Variants in DGKH observed in about 807,000 individuals in gnomAD.
DGKH encodes DAG kinase eta.
In DGKH, 90 loss-of-function variants were observed where a neutral mutation model predicts 159.3. That is an observed-to-expected ratio of 0.57 (90% confidence interval 0.48 to 0.67). DGKH has a LOEUF of 0.67. Among genes scored for constraint, DGKH ranks in the 30% least tolerant of loss-of-function variants. The probability of loss-of-function intolerance (pLI) is 0.00; values close to 1 mark genes in which losing one functional copy is unlikely to be tolerated. For missense variants in DGKH, 1,181 were observed against 1,506.1 expected (o/e 0.78, Z 3.57); for synonymous variants, 536 against 553.8 (o/e 0.97, Z 0.45).
intron 1 of DGKH, among the ~76,000 whole-genome samples, chr13:42,123,764 C>T (rs960365072): frequency 2.0e-5 from 3 of 152,144 alleles, no homozygotes; most frequent in Admixed American, 6.5e-5. Context: ...TTTAGGGAAA[C>T]GCACATTAAA....
intron 1 of DGKH, among the ~76,000 whole-genome samples, chr13:42,053,029 G>A (rs147264829): frequency 3.3e-5 from 5 of 152,130 alleles, no homozygotes; most frequent in African/African-American, 1.2e-4. Flanking sequence ...AAGATATTCA[G>A]AATTTTGCAT....
chr13:42,183,586 A>G (rs1031008527), intron 13 of DGKH, among the ~76,000 whole-genome samples: 4 of 152,238 alleles, frequency 2.6e-5, no homozygotes, highest in African/African-American at 4.8e-5. Flanking sequence ...AATAATTCCC[A>G]GTAGCCTTAA....
chr13:42,150,774 T>C (rs1447204474), intron 3 of DGKH, among the ~76,000 whole-genome samples: 1 of 152,200 alleles, frequency 6.6e-6, no homozygotes, highest in Non-Finnish European at 1.5e-5. Flanking sequence ...ATGGGTGTGG[T>C]AGGCTGAATA....
chr13:42,207,695 G>GTGTATA (rs1462726428), intron 21 of DGKH, among the ~76,000 whole-genome samples: 17 of 140,278 alleles, frequency 1.2e-4, no homozygotes, highest in Non-Finnish European at 2.3e-4. Flanking sequence ...ATTAAAGTGT[G>GTGTATA]TATATATATA....
Position 42,180,195 on chromosome 13 carries a change from A to C in DGKH, c.1538+1975A>C, listed in dbSNP as rs1956715240. ...TTCACAGGGCAAGGGCCAGCCCATC[A>C]CTTAGGTGTATGAACTGGGCCTGGG... is the stretch of plus-strand genomic sequence containing the variant. On this transcript the variant is annotated intron_variant, in intron 13 of 29. Transcript: ENST00000337343. Among the ~76,000 whole-genome samples, 3 of 152,248 alleles carry C rather than the reference A, an allele frequency of 2.0e-5. No homozygotes were observed. In the South Asian group the frequency reaches 6.2e-4, roughly 32 times the overall value.
chr13:42,164,849 TG>T (rs1410699479), intron 7 of DGKH, among the ~76,000 whole-genome samples: 1 of 152,204 alleles, frequency 6.6e-6, no homozygotes, highest in Non-Finnish European at 1.5e-5. Context: ...TAGAAAGTTA[TG>T]GGATTACTGC....
At chr13:42,154,427 C>A (rs1955989675) in intron 3 of DGKH, among the ~76,000 whole-genome samples, 1 of 152,172 alleles carries the variant, frequency 6.6e-6, no homozygotes, top group South Asian at 2.1e-4. Flanking sequence ...TCTTTCAAGT[C>A]ATTTCAGAAC....
At chr13:42,224,008 GTCT>G (rs1958055025) in intron 29 of DGKH, among the ~76,000 whole-genome samples, 1 of 152,050 alleles carries the variant, frequency 6.6e-6, no homozygotes, top group African/African-American at 2.4e-5. Flanking sequence ...GTCTTCCCGT[GTCT>G]TCTTGTTTCA....
chr13:42,121,296 TG>T (rs1955067400), intron 1 of DGKH, among the ~76,000 whole-genome samples: 1 of 152,242 alleles, frequency 6.6e-6, no homozygotes, highest in African/African-American at 2.4e-5. Context: ...AAATAGGCTT[TG>T]TATTAGATGA....
intron 1 of DGKH, among the ~76,000 whole-genome samples, chr13:42,058,322 C>T (rs1881905047): frequency 6.6e-6 from 1 of 152,134 alleles, no homozygotes; most frequent in African/African-American, 2.4e-5. Flanking sequence ...ATTCTAGGAC[C>T]TACTGTACAT....
intron 1 of DGKH, among the ~76,000 whole-genome samples, chr13:42,120,530 C>G (rs867805886): frequency 3.9e-5 from 6 of 152,062 alleles, no homozygotes; most frequent in Admixed American, 2.0e-4. Context: ...AGTTATTGCT[C>G]TCTAACCTCA....
At position 42,056,329 on chromosome 13, in the gene DGKH, G is replaced by T. The variant is rs560185192; in HGVS notation, c.192+7364G>T. On this transcript the variant is annotated intron_variant, in intron 1 of 29. Coordinates refer to ENST00000337343, the MANE Select transcript of DGKH (RefSeq NM_178009.5). ...GCTTCTGTTTTATATGAGGAAGTAC[G>T]GTTAACTTTGTCATGTGTAGGGCTG... Among the ~76,000 whole-genome samples the T allele has an allele frequency of 5.3e-5, 8 of 151,938 alleles. No individual in the cohort carries two copies. In the South Asian group the frequency reaches 1.0e-3, roughly 20 times the overall value.
Position 42,069,785 on chromosome 13 carries a change from C to A in DGKH, c.192+20820C>A, listed in dbSNP as rs1350129463. The A allele has an allele frequency of 3.7e-6, 4 of 1,085,260 alleles. No homozygotes were observed. In the Admixed American group the frequency reaches 7.0e-5, roughly 19 times the overall value. The allele number at this position is 1,085,260 out of a possible 1,614,324, so 67.2% of individuals were successfully genotyped here. ...TTACAAGTATGGCTACACTCCAGAT[C>A]ACAATATTTGTTTTCATGATGATCT... On this transcript the variant is annotated intron_variant, in intron 1 of 29. Coordinates refer to ENST00000337343, the MANE Select transcript of DGKH (RefSeq NM_178009.5).
At chr13:42,101,390 A>G (rs1380646723) in intron 1 of DGKH, among the ~76,000 whole-genome samples, 1 of 152,266 alleles carries the variant, frequency 6.6e-6, no homozygotes, top group Non-Finnish European at 1.5e-5. Flanking sequence ...TGTCTAGTAC[A>G]GTAGCCACTA....
chr13:42,228,860 G>A (rs1215820164), intron 29 of DGKH, among the ~76,000 whole-genome samples: 1 of 151,966 alleles, frequency 6.6e-6, no homozygotes, highest in Non-Finnish European at 1.5e-5. Flanking sequence ...GAATTCTTTG[G>A]TGTCAGGTTA....
At chr13:42,102,692 G>A (rs1199920116) in intron 1 of DGKH, among the ~76,000 whole-genome samples, 4 of 152,248 alleles carry the variant, frequency 2.6e-5, no homozygotes, top group Non-Finnish European at 5.9e-5. Context: ...ACAACTTTGA[G>A]TAGAGTTTGG....
At position 42,186,576 on chromosome 13, in the gene DGKH, G is replaced by A. The variant is rs377721153; in HGVS notation, c.1539-473G>A. Among the ~76,000 whole-genome samples, 41 of 152,208 alleles carry A rather than the reference G, an allele frequency of 2.7e-4. No individual in the cohort carries two copies. The East Asian group carries it at 7.5e-3, about 28-fold the overall frequency. On this transcript the variant is annotated intron_variant, in intron 13 of 29. Transcript: ENST00000337343. ...GTGGCAGATTTGTTTTCAGCATAAC[G>A]CACAACCTCTTTCTCTTCAGTAATA...
intron 1 of DGKH, among the ~76,000 whole-genome samples, chr13:42,049,761 A>G (rs1294783871): frequency 6.6e-6 from 1 of 152,262 alleles, no homozygotes; most frequent in Admixed American, 6.5e-5. Flanking sequence ...ACTCTTGTTA[A>G]TGAAGCTTGT....
chr13:42,192,829 G>T (rs1957115910), intron 16 of DGKH, among the ~76,000 whole-genome samples: 1 of 151,850 alleles, frequency 6.6e-6, no homozygotes, highest in African/African-American at 2.4e-5. Flanking sequence ...GCACCCATTT[G>T]GTCAATGTTT....
Sources: allele counts gnomAD v4.1 joint callset (sites outside exome capture counted in the v4.1 genomes callset), GRCh38; gene constraint gnomAD v4.1.1; transcripts MANE v1.5; gene names NCBI Gene and HGNC (gene_info 2026-07-23, HGNC 2026-07-21).